SNTG1: variants seen among roughly 807,000 people sequenced by gnomAD.
SNTG1 encodes the protein gamma-1-syntrophin.
A neutral mutation model predicts 74.7 loss-of-function variants in SNTG1; 39 were observed. That is an observed-to-expected ratio of 0.52 (90% CI 0.40 to 0.68). The LOEUF (loss-of-function observed/expected upper bound fraction) is 0.68. SNTG1 is among the 30% of genes least tolerant of loss of function. SNTG1 has a pLI of 0.00. For missense variants in SNTG1, 685 were observed against 609.5 expected (o/e 1.12, Z -1.30); for synonymous variants, 254 against 217.1 (o/e 1.17, Z -1.49).
At chr8:50,600,681 T>C (rs957051475) in intron 13 of SNTG1, among the ~76,000 whole-genome samples, 2 of 152,150 alleles carry the variant, frequency 1.3e-5, no homozygotes, top group Non-Finnish European at 2.9e-5. Flanking sequence ...TTCTTCTTTC[T>C]TTTTTTCTTA....
chr8:50,759,957 T>A (rs1170087864), intron 18 of SNTG1, among the ~76,000 whole-genome samples: 3 of 152,134 alleles, frequency 2.0e-5, no homozygotes, highest in Non-Finnish European at 2.9e-5. Flanking sequence ...TTCATGATAT[T>A]GATTTTTTCT....
intron 1 of SNTG1, among the ~76,000 whole-genome samples, chr8:50,020,789 T>A (rs1308635517): frequency 6.6e-6 from 1 of 152,166 alleles, no homozygotes; most frequent in East Asian, 1.9e-4. Flanking sequence ...GACGATCCAA[T>A]GCACCTTGGA....
At chr8:50,394,467 T>G (rs1164727566) in intron 3 of SNTG1, among the ~76,000 whole-genome samples, 3 of 152,204 alleles carry the variant, frequency 2.0e-5, no homozygotes, top group South Asian at 2.1e-4. Context: ...CTTTAACTCT[T>G]TCTTTAGGAA....
chr8:50,508,464 T>C (rs2094030744), intron 9 of SNTG1, among the ~76,000 whole-genome samples: 1 of 152,216 alleles, frequency 6.6e-6, no homozygotes, highest in Non-Finnish European at 1.5e-5. Context: ...TCAAATGGTA[T>C]TTCTAGTTCT....
chr8:50,500,279 T>C, intron 8 of SNTG1, among the ~76,000 whole-genome samples: 1 of 151,780 alleles, frequency 6.6e-6, no homozygotes, highest in Non-Finnish European at 1.5e-5. Flanking sequence ...GGGTGAATTC[T>C]ATTATTCTGT....
chr8:50,068,220 G>A (rs1164904285), intron 1 of SNTG1, among the ~76,000 whole-genome samples: 3 of 152,078 alleles, frequency 2.0e-5, no homozygotes, highest in African/African-American at 7.2e-5. Context: ...AACCTCTGTG[G>A]GATTAGCGGG....
intron 1 of SNTG1, among the ~76,000 whole-genome samples, chr8:49,966,061 T>C (rs1009131283): frequency 6.6e-6 from 1 of 152,198 alleles, no homozygotes; most frequent in Non-Finnish European, 1.5e-5. Flanking sequence ...AATGTTCATC[T>C]CTAGAATATA....
At chr8:50,787,295 A>G (rs1409748362) in intron 18 of SNTG1, among the ~76,000 whole-genome samples, 2 of 151,796 alleles carry the variant, frequency 1.3e-5, no homozygotes, top group East Asian at 3.9e-4. Flanking sequence ...ACAGCTTCCC[A>G]CTCTATAGGA....
At chr8:50,606,162 G>C (rs1432940151) in intron 13 of SNTG1, among the ~76,000 whole-genome samples, 1 of 152,126 alleles carries the variant, frequency 6.6e-6, no homozygotes, top group East Asian at 1.9e-4. Flanking sequence ...TTTCTAAACA[G>C]AAAGTTAGAA....
chr8:50,512,991 T>A (rs1341255827), intron 9 of SNTG1, among the ~76,000 whole-genome samples: 1 of 152,212 alleles, frequency 6.6e-6, no homozygotes, highest in African/African-American at 2.4e-5. Flanking sequence ...AGAGAGTCAC[T>A]CTGATTTTTA....
intron 5 of SNTG1, among the ~76,000 whole-genome samples, chr8:50,441,356 T>C (rs2131582295): frequency 6.6e-6 from 1 of 152,286 alleles, no homozygotes; most frequent in Non-Finnish European, 1.5e-5. Context: ...TTACCTTATA[T>C]AAGACATTGT....
At chr8:50,454,050 T>A (rs1257368636) in intron 8 of SNTG1, among the ~76,000 whole-genome samples, 2 of 152,204 alleles carry the variant, frequency 1.3e-5, no homozygotes, top group Non-Finnish European at 2.9e-5. Context: ...CCAAAGCCCA[T>A]CAAGGAAAAT....
At chr8:50,780,942 TG>T (rs2095657499) in intron 18 of SNTG1, among the ~76,000 whole-genome samples, 1 of 152,226 alleles carries the variant, frequency 6.6e-6, no homozygotes, top group South Asian at 2.1e-4. Context: ...TCTTTATTTC[TG>T]CCTTTATTTC....
intron 17 of SNTG1, among the ~76,000 whole-genome samples, chr8:50,734,038 T>C (rs2095519482): frequency 6.6e-6 from 1 of 151,754 alleles, no homozygotes; most frequent in Non-Finnish European, 1.5e-5. Context: ...TATGAGAGAT[T>C]TGCTTTAAAG....
intron 2 of SNTG1, among the ~76,000 whole-genome samples, chr8:50,231,794 CA>C (rs1403309667): frequency 1.3e-5 from 2 of 151,192 alleles, no homozygotes; most frequent in Non-Finnish European, 3.0e-5. Flanking sequence ...TTTTTTAAAT[CA>C]GTAGCACAAT....
intron 18 of SNTG1, among the ~76,000 whole-genome samples, chr8:50,764,498 C>T (rs2095608582): frequency 6.6e-6 from 1 of 151,976 alleles, no homozygotes; most frequent in South Asian, 2.1e-4. Context: ...ATAATAATGG[C>T]CAACATTTAT....
chr8:49,994,409 C>T (rs1414575858), intron 1 of SNTG1, among the ~76,000 whole-genome samples: 1 of 144,206 alleles, frequency 6.9e-6, no homozygotes, highest in African/African-American at 2.5e-5. Context: ...GCACCCGCCA[C>T]CATGCCCGGC....
intron 3 of SNTG1, among the ~76,000 whole-genome samples, chr8:50,398,258 T>G (rs773198781): frequency 6.6e-6 from 1 of 152,266 alleles, no homozygotes; most frequent in Non-Finnish European, 1.5e-5. Context: ...TGCTCACATT[T>G]ATGTATGGCG....
At chr8:50,401,851 T>C (rs2092810126) in intron 3 of SNTG1, among the ~76,000 whole-genome samples, 1 of 152,234 alleles carries the variant, frequency 6.6e-6, no homozygotes, top group Non-Finnish European at 1.5e-5. Context: ...AAGGGTTGAA[T>C]TGTATGGAAT....
Sources: gnomAD v4.1 joint callset for allele counts (sites outside exome capture counted in the v4.1 genomes callset) on GRCh38, gnomAD v4.1.1 for gene constraint, MANE v1.5 for transcripts, NCBI Gene and HGNC (gene_info 2026-07-23, HGNC 2026-07-21) for gene names.